Variants in DPP10 observed in about 807,000 individuals in gnomAD.
DPP10 encodes dipeptidyl peptidase like 10, also known as inactive dipeptidyl peptidase 10.
DPP10 carries 33 observed loss-of-function variants against 120.9 expected under a neutral mutation model. The ratio of observed to expected loss-of-function variants is 0.27; its 90% CI spans 0.21 to 0.37. DPP10 has a LOEUF of 0.37. Ranked by LOEUF, DPP10 falls within the 10% of genes least tolerant of loss-of-function variation. The probability of loss-of-function intolerance (pLI) is 1.00; values close to 1 mark genes in which losing one functional copy is unlikely to be tolerated. For missense variants in DPP10, 816 were observed against 942.8 expected (o/e 0.87, Z 1.76); for synonymous variants, 337 against 326.1 (o/e 1.03, Z -0.36).
chr2:114,963,910 T>A (rs781257271), intron 1 of DPP10, among the ~76,000 whole-genome samples: 2 of 152,194 alleles, frequency 1.3e-5, no homozygotes, highest in Non-Finnish European at 2.9e-5. Context: ...GCAAATATTC[T>A]TTGAAGCAAA....
intron 1 of DPP10, among the ~76,000 whole-genome samples, chr2:114,820,834 A>T (rs1341491355): frequency 6.6e-6 from 1 of 152,204 alleles, no homozygotes; most frequent in Non-Finnish European, 1.5e-5. Flanking sequence ...TGCACAGCCA[A>T]ACCATATCAT....
In DPP10 at chr2:114,936,357, A is replaced by G. The variant is rs562731845; in HGVS notation, c.61-372882A>G. ...GGCTAAGTAGTGTTCGATAGTGTAT[A>G]TATATATGTGTGTGTGTATATATAT... On this transcript the variant is annotated intron_variant, in intron 1 of 25. Coordinates refer to ENST00000410059, the MANE Select transcript of DPP10 (RefSeq NM_020868.6). Among the ~76,000 whole-genome samples the G allele has an allele frequency of 2.6e-5, 4 of 151,988 alleles. No homozygotes were observed. The East Asian group carries it at 7.8e-4, about 29-fold the overall frequency.
At chr2:114,928,973 A>G (rs1362900190) in intron 1 of DPP10, among the ~76,000 whole-genome samples, 2 of 152,006 alleles carry the variant, frequency 1.3e-5, no homozygotes, top group African/African-American at 4.8e-5. Flanking sequence ...GTTCTTTTCT[A>G]TTTTCCCTAA....
chr2:114,736,441 A>T (rs1677446815), intron 1 of DPP10, among the ~76,000 whole-genome samples: 1 of 152,236 alleles, frequency 6.6e-6, no homozygotes, highest in South Asian at 2.1e-4. Flanking sequence ...ACATGCATAC[A>T]GGGCAAAACA....
chr2:115,696,097 G>A (rs2091573453), intron 7 of DPP10, among the ~76,000 whole-genome samples: 1 of 151,964 alleles, frequency 6.6e-6, no homozygotes, highest in African/African-American at 2.4e-5. Flanking sequence ...AAAATAAACA[G>A]AACCTAAGGG....
At chr2:115,405,004 C>T (rs572267331) in intron 3 of DPP10, among the ~76,000 whole-genome samples, 2 of 152,260 alleles carry the variant, frequency 1.3e-5, no homozygotes, top group Admixed American at 6.5e-5. Context: ...ATCCCTGGCT[C>T]CCCCTATAAC....
chr2:115,495,110 T>A (rs2076323444), intron 3 of DPP10, among the ~76,000 whole-genome samples: 1 of 151,960 alleles, frequency 6.6e-6, no homozygotes, highest in Admixed American at 6.6e-5. Context: ...AAGACAACAT[T>A]TTACAAGAGT....
intron 1 of DPP10, among the ~76,000 whole-genome samples, chr2:114,456,045 T>A (rs1353090236): frequency 6.6e-6 from 1 of 152,174 alleles, no homozygotes; most frequent in Non-Finnish European, 1.5e-5. Context: ...GGCACTTGAC[T>A]ATCCCATCAT....
At chr2:115,100,277 CT>C (rs781729780) in intron 1 of DPP10, among the ~76,000 whole-genome samples, 6 of 152,084 alleles carry the variant, frequency 3.9e-5, no homozygotes, top group Non-Finnish European at 8.8e-5. Flanking sequence ...AAGATCCTGT[CT>C]CTATAAACAC....
At position 115,740,974 on chromosome 2, in the gene DPP10, G is replaced by C. The variant is rs539817018; in HGVS notation, c.852+1081G>C. Among the ~76,000 whole-genome samples, 14 of 152,096 alleles carry C rather than the reference G, an allele frequency of 9.2e-5. No individual in the cohort carries two copies. In the East Asian group the frequency reaches 2.7e-3, roughly 29 times the overall value. ...ACTTTGTCTTTTTCAAGCACAATAG[G>C]TTTTCTGCCGTTTAATTCATGCACT... On this transcript the variant is annotated intron_variant, in intron 9 of 25. Coordinates refer to ENST00000410059, the MANE Select transcript of DPP10 (RefSeq NM_020868.6).
At chr2:115,446,805 A>G (rs779397464) in intron 3 of DPP10, among the ~76,000 whole-genome samples, 1 of 152,072 alleles carries the variant, frequency 6.6e-6, no homozygotes, top group East Asian at 1.9e-4. Context: ...GCGATTACCA[A>G]CACACCTTCC....
At chr2:115,427,101 C>G (rs1164328717) in intron 3 of DPP10, among the ~76,000 whole-genome samples, 1 of 152,162 alleles carries the variant, frequency 6.6e-6, no homozygotes, top group African/African-American at 2.4e-5. Flanking sequence ...ATGAAATGTC[C>G]CACATACAGG....
intron 1 of DPP10, among the ~76,000 whole-genome samples, chr2:115,206,008 T>C (rs2056097419): frequency 6.6e-6 from 1 of 152,186 alleles, no homozygotes; most frequent in African/African-American, 2.4e-5. Flanking sequence ...CCTGCATATG[T>C]ACCCCTTGAA....
intron 1 of DPP10, among the ~76,000 whole-genome samples, chr2:114,547,432 G>A (rs978648111): frequency 2.6e-5 from 4 of 152,254 alleles, no homozygotes; most frequent in Non-Finnish European, 5.9e-5. Context: ...TCAAGAGGGA[G>A]ACCACAGAAG....
intron 1 of DPP10, among the ~76,000 whole-genome samples, chr2:114,495,811 G>A (rs926903204): frequency 3.3e-5 from 5 of 152,174 alleles, no homozygotes; most frequent in Admixed American, 3.3e-4. Context: ...TTTGCTGGAT[G>A]AGGTAGATAG....
rs1321827550 is a variant in DPP10 at position 114,739,001 on chromosome 2, A to G, written c.60+296163A>G. Among the ~76,000 whole-genome samples, 4 of 152,286 alleles carry G rather than the reference A, an allele frequency of 2.6e-5. No homozygotes were observed. In the East Asian group the frequency reaches 7.7e-4, roughly 29 times the overall value. ...GCCTGCAGTTCCCAGCACTAGAAAT[A>G]GAGTTTCCCTTCAACTCATCCCCTA... On this transcript the variant is annotated intron_variant, in intron 1 of 25. Transcript: ENST00000410059.
chr2:115,156,662 C>T (rs996866175), intron 1 of DPP10, among the ~76,000 whole-genome samples: 4 of 152,084 alleles, frequency 2.6e-5, no homozygotes, highest in South Asian at 2.1e-4. Context: ...TCAGTAATAT[C>T]GTACTTTTCA....
chr2:114,973,661 C>CAAGAAAAA (rs1302821363), intron 1 of DPP10, among the ~76,000 whole-genome samples: 5 of 71,034 alleles, frequency 7.0e-5, no homozygotes, highest in Non-Finnish European at 1.2e-4. Flanking sequence ...GACTCCGTCT[C>CAAGAAAAA]AAAAAAAAAA....
intron 1 of DPP10, among the ~76,000 whole-genome samples, chr2:115,261,647 A>G (rs982971954): frequency 2.0e-5 from 3 of 152,204 alleles, no homozygotes; most frequent in African/African-American, 7.2e-5. Flanking sequence ...GCAATTGTTG[A>G]AAGGTGATGA....
Sources: allele counts gnomAD v4.1 joint callset (sites outside exome capture counted in the v4.1 genomes callset), GRCh38; gene constraint gnomAD v4.1.1; transcripts MANE v1.5; gene names NCBI Gene and HGNC (gene_info 2026-07-23, HGNC 2026-07-21).